The following LEPR variants were observed in gnomAD, a reference collection of about 807,000 sequenced individuals.
LEPR encodes the protein leptin receptor, also known as OB receptor.
LEPR carries 56 observed loss-of-function variants against 114.7 expected under a neutral mutation model. The observed-to-expected ratio is 0.49, with a 90% CI of 0.39 to 0.61. The LOEUF is 0.61. Ranked by LOEUF, LEPR falls within the 20% of genes least tolerant of loss-of-function variation. LEPR has a pLI of 0.00. For missense variants in LEPR, 1,202 were observed against 1,352.9 expected, an observed-to-expected ratio of 0.89 and a Z score of 1.75; for synonymous variants, 443 against 461.4, an observed-to-expected ratio of 0.96 and a Z score of 0.51.
chr1:65,595,290 A>T (rs997841857), intron 6 of LEPR, among the ~76,000 whole-genome samples: 6 of 109,580 alleles, frequency 5.5e-5, no homozygotes, highest in African/African-American at 2.2e-4. Flanking sequence ...CAATGTAGGC[A>T]TACATATACA....
At chr1:65,522,567 C>G (rs1198854836) in intron 2 of LEPR, among the ~76,000 whole-genome samples, 5 of 152,130 alleles carry the variant, frequency 3.3e-5, no homozygotes, top group Non-Finnish European at 7.3e-5. Flanking sequence ...AAAACGGAGT[C>G]ATTCAAATCA....
chr1:65,633,628 A>G lies in LEPR; in HGVS notation c.2674-2563A>G, dbSNP rs1185177663. ...TTATAAGTATGGAATCAGTGAAAATATTTAGTTTGTATTTTTATGTCCAAA... is the reference window on the plus strand; with the variant it reads ...TTATAAGTATGGAATCAGTGAAAATGTTTAGTTTGTATTTTTATGTCCAAA... On this transcript the variant is annotated intron_variant, in intron 19 of 19. Coordinates refer to ENST00000349533, the MANE Select transcript of LEPR (RefSeq NM_002303.6). This position sits in a 1 kb window ranked among gnomAD's most constrained non-coding sequence, Gnocchi z 4.1. 1.0e-6 allele frequency: 1 copy of G among 983,692 alleles called. No individual in the cohort carries two copies. The highest frequency in any genetic ancestry group is 1.1e-4 in the East Asian group (1 of 8,882). 60.9% of individuals were successfully genotyped at this position (983,692 alleles called of 1,614,324 possible). A position where few individuals can be genotyped will look rare whatever the true frequency, so the allele number is the denominator to read the frequency against.
At chr1:65,612,867 A>G (rs948126125) in intron 14 of LEPR, among the ~76,000 whole-genome samples, 1 of 152,210 alleles carries the variant, frequency 6.6e-6, no homozygotes, top group African/African-American at 2.4e-5. Flanking sequence ...TACCAATGTG[A>G]CTTACCATAG....
chr1:65,514,019 TA>T (rs1199955846), intron 2 of LEPR, among the ~76,000 whole-genome samples: 6 of 152,238 alleles, frequency 3.9e-5, no homozygotes, highest in Non-Finnish European at 5.9e-5. Flanking sequence ...TGAAAAAATG[TA>T]AAAAAAATTC....
At chr1:65,617,683 G>A (rs1028171187) in intron 15 of LEPR, among the ~76,000 whole-genome samples, 1 of 152,212 alleles carries the variant, frequency 6.6e-6, no homozygotes, top group Non-Finnish European at 1.5e-5. Context: ...TAATAGGCTT[G>A]TGCAGTATTC....
At chr1:65,582,128 G>C (rs1051881423) in intron 5 of LEPR, among the ~76,000 whole-genome samples, 37 of 152,302 alleles carry the variant, frequency 2.4e-4, no homozygotes, top group African/African-American at 7.5e-4. Context: ...CCACTTTCAA[G>C]TTCCAGTATC....
intron 1 of LEPR, among the ~76,000 whole-genome samples, chr1:65,423,893 A>G (rs1472811341): frequency 1.3e-5 from 2 of 152,220 alleles, no homozygotes; most frequent in Non-Finnish European, 2.9e-5. Flanking sequence ...TGCTAAAATG[A>G]GTAGATACCT....
At chr1:65,592,979 T>C in intron 6 of LEPR, 114 bp downstream of exon 6, 1 of 1,154,926 alleles carries the variant, frequency 8.7e-7, no homozygotes, top group Non-Finnish European at 1.3e-6. Flanking sequence ...AACACTGTAA[T>C]GATGGTAGAT....
chr1:65,592,564 GT>G, intron 5 of LEPR, 92 bp from the exon 6 acceptor site: 1 of 1,370,236 alleles, frequency 7.3e-7, no homozygotes, highest in Non-Finnish European at 1.0e-6. Flanking sequence ...GTCCCAAATA[GT>G]TTACTTCAAT....
intron 2 of LEPR, among the ~76,000 whole-genome samples, chr1:65,556,192 C>A (rs1652804319): frequency 6.6e-6 from 1 of 152,118 alleles, no homozygotes; most frequent in Admixed American, 6.5e-5. Flanking sequence ...GAGAAGTAGT[C>A]CTTCACCAGA....
At chr1:65,454,507 G>C (rs772659312) in intron 2 of LEPR, among the ~76,000 whole-genome samples, 40 of 152,064 alleles carry the variant, frequency 2.6e-4, no homozygotes, top group Non-Finnish European at 5.4e-4. Flanking sequence ...GCATTTGCTT[G>C]TCTGTAAAGT....
At chr1:65,497,015 T>C (rs1016739476) in intron 2 of LEPR, among the ~76,000 whole-genome samples, 1 of 147,430 alleles carries the variant, frequency 6.8e-6, no homozygotes, top group Non-Finnish European at 1.5e-5. Context: ...CACACACACA[T>C]ATATGTATTT....
intron 2 of LEPR, among the ~76,000 whole-genome samples, chr1:65,551,312 C>G (rs2100719611): frequency 6.6e-6 from 1 of 152,210 alleles, no homozygotes; most frequent in East Asian, 1.9e-4. Context: ...CTTTGTACCT[C>G]TGGTAGAATT....
intron 2 of LEPR, among the ~76,000 whole-genome samples, chr1:65,506,867 C>A (rs7516763): frequency 0.32 from 49,153 of 151,998 alleles, 10,186 homozygotes; most frequent in Non-Finnish European, 0.46. Context: ...AGTATGCTGT[C>A]CAATAGAACA....
At chr1:65,477,209 T>G (rs1157899525) in intron 2 of LEPR, among the ~76,000 whole-genome samples, 1 of 152,188 alleles carries the variant, frequency 6.6e-6, no homozygotes, top group Non-Finnish European at 1.5e-5. Flanking sequence ...CCAAAGAATT[T>G]CTTACCTTCT....
intron 5 of LEPR, among the ~76,000 whole-genome samples, chr1:65,578,579 CTA>C (rs1238411612): frequency 6.6e-6 from 1 of 152,076 alleles, no homozygotes; most frequent in East Asian, 1.9e-4. Flanking sequence ...TGGGATGATG[CTA>C]TGTCACAGTT....
chr1:65,574,484 A>G (rs1219564501), intron 5 of LEPR, among the ~76,000 whole-genome samples: 1 of 152,218 alleles, frequency 6.6e-6, no homozygotes, highest in Non-Finnish European at 1.5e-5. Flanking sequence ...TGTTTTGCCA[A>G]GTCCTTTGGG....
Position 65,633,168 on chromosome 1 carries a change from G to A in LEPR, c.2674-3023G>A, listed in dbSNP as rs1327946434. The A allele has an allele frequency of 1.2e-6, 2 of 1,602,588 alleles. No homozygotes were observed. Among genetic ancestry groups the A allele is most frequent in the Non-Finnish European group, 1.7e-6 (2 of 1,171,272 alleles). ...TCTAAACAGAGAACGGACATTCTTTGAAGTCTAATCATGATCACTACAGAT... is the reference window on the plus strand; with the variant it reads ...TCTAAACAGAGAACGGACATTCTTTAAAGTCTAATCATGATCACTACAGAT... On this transcript the variant is annotated intron_variant, in intron 19 of 19. Coordinates refer to ENST00000349533, the MANE Select transcript of LEPR (RefSeq NM_002303.6). This position sits in a 1 kb window ranked among gnomAD's most constrained non-coding sequence, Gnocchi z 4.1.
intron 2 of LEPR, chr1:65,526,524 G>C (rs1317007683): frequency 1.5e-6 from 1 of 683,094 alleles, no homozygotes; most frequent in Non-Finnish European, 1.8e-6. Flanking sequence ...CTGGGCTCTT[G>C]TCAGCCTAAT....
Sources: gnomAD v4.1 joint callset for allele counts (sites outside exome capture counted in the v4.1 genomes callset) on GRCh38, gnomAD v4.1.1 for gene constraint, Gnocchi (gnomAD v3.1) non-coding constraint, MANE v1.5 for transcripts, NCBI Gene and HGNC (gene_info 2026-07-23, HGNC 2026-07-21) for gene names.